ENTPD3: variants seen among roughly 807,000 people sequenced by gnomAD.
ENTPD3 encodes the protein ectonucleoside triphosphate diphosphohydrolase 3.
A neutral mutation model predicts 51.2 loss-of-function variants in ENTPD3; 60 were observed. The observed-to-expected ratio is 1.17, with a 90% CI of 0.95 to 1.45. The LOEUF is 1.45. Ranked by LOEUF, ENTPD3 falls within the 40% of genes most tolerant of loss-of-function variation. ENTPD3 has a pLI of 0.00. For synonymous variants in ENTPD3, 221 were observed against 238.4 expected (o/e 0.93, Z 0.67); for missense variants, 593 against 641.1 (o/e 0.93, Z 0.81).
chr3:40,408,041 CA>C (rs1330488834), intron 4 of ENTPD3, among the ~76,000 whole-genome samples: 1 of 152,118 alleles, frequency 6.6e-6, no homozygotes, highest in African/African-American at 2.4e-5. Flanking sequence ...CGGATCCAAT[CA>C]GCGAAATCCA....
intron 7 of ENTPD3, among the ~76,000 whole-genome samples, chr3:40,422,335 T>C (rs1559518723): frequency 6.6e-6 from 1 of 151,502 alleles, no homozygotes; most frequent in Non-Finnish European, 1.5e-5. Context: ...CTTTTTTTTT[T>C]TTTTTTACTT....
At chr3:40,396,239 T>C (rs1249970450) in intron 3 of ENTPD3, among the ~76,000 whole-genome samples, 1 of 152,242 alleles carries the variant, frequency 6.6e-6, no homozygotes, top group Non-Finnish European at 1.5e-5. Context: ...AGAAACGGAA[T>C]GACAGCTTTG....
rs1456252281 is a variant in ENTPD3, at chr3:40,415,854, C to T, written c.612C>T (p.His204=). The T allele has an allele frequency of 6.2e-7, 1 of 1,613,970 alleles. No individual in the cohort carries two copies. The highest frequency in any genetic ancestry group is 2.2e-5 in the East Asian group (1 of 44,880). ...MGNFLEKNLW[H]MWVHPHGVET... ...CCACTGTGCAGAAGAACCTGTGGCA[C>T]ATGTGGGTGCACCCGCATGGAGTGG... Residue 204 remains histidine, a synonymous_variant, in exon 7 of 11, where the codon CAC becomes CAT. Transcript: ENST00000301825.
At chr3:40,412,539 A>G (rs1955659001) in intron 5 of ENTPD3, among the ~76,000 whole-genome samples, 1 of 152,044 alleles carries the variant, frequency 6.6e-6, no homozygotes, top group Non-Finnish European at 1.5e-5. Flanking sequence ...TTTTTTCTCC[A>G]TTATAGCATT....
At chr3:40,395,625 G>A (rs1287664894) in intron 3 of ENTPD3, among the ~76,000 whole-genome samples, 1 of 152,172 alleles carries the variant, frequency 6.6e-6, no homozygotes, top group Non-Finnish European at 1.5e-5. Context: ...ATATCAAGGG[G>A]CATACAGGCA....
intron 1 of ENTPD3, 78 bp from the exon 2 acceptor site, chr3:40,387,968 C>A: frequency 8.0e-7 from 1 of 1,256,986 alleles, no homozygotes; most frequent in Non-Finnish European, 1.2e-6. Context: ...TGGGTTTTGT[C>A]TTAACCTGGG....
chr3:40,422,736 T>C (rs913144368), intron 7 of ENTPD3, 114 bp from the exon 8 acceptor site: 200 of 868,364 alleles, frequency 2.3e-4, no homozygotes, highest in Non-Finnish European at 3.3e-4. Flanking sequence ...ATGTGCCATA[T>C]TTTCTTAATC....
chr3:40,405,366 TTGG>T (rs1261072290), intron 4 of ENTPD3, among the ~76,000 whole-genome samples: 2 of 151,400 alleles, frequency 1.3e-5, no homozygotes, highest in South Asian at 4.2e-4. Context: ...TTAGCCGGGC[TTGG>T]TGGTGGGCGC....
intron 2 of ENTPD3, among the ~76,000 whole-genome samples, chr3:40,389,077 A>G (rs918293947): frequency 2.1e-4 from 32 of 152,310 alleles, no homozygotes; most frequent in African/African-American, 7.0e-4. Flanking sequence ...GGGACATTGC[A>G]CTTGAGGAGC....
chr3:40,424,794 G>A (rs184032751), intron 10 of ENTPD3: 23 of 701,948 alleles, frequency 3.3e-5, no homozygotes, highest in South Asian at 2.7e-4. Context: ...CCTGAAGGAT[G>A]TCTGGAGTCA....
chr3:40,408,515 TA>T (rs936649178), intron 4 of ENTPD3, among the ~76,000 whole-genome samples: 6 of 152,204 alleles, frequency 3.9e-5, no homozygotes, highest in Non-Finnish European at 8.8e-5. Flanking sequence ...GAATTAAGAC[TA>T]ATGTGAGCAC....
chr3:40,424,269 G>A (rs747785202), intron 10 of ENTPD3: 66 of 565,796 alleles, frequency 1.2e-4, no homozygotes, highest in Non-Finnish European at 1.5e-4. Flanking sequence ...ATAGAGCCTA[G>A]AAGGTACTTA....
At chr3:40,416,302 G>C (rs945460022) in intron 7 of ENTPD3, among the ~76,000 whole-genome samples, 1 of 152,156 alleles carries the variant, frequency 6.6e-6, no homozygotes, top group African/African-American at 2.4e-5. Flanking sequence ...TGAGTAAGAA[G>C]TCTAGGGAAG....
intron 4 of ENTPD3, among the ~76,000 whole-genome samples, chr3:40,411,350 A>G (rs13081891): frequency 0.058 from 8,797 of 152,150 alleles, 344 homozygotes; most frequent in East Asian, 0.17. Flanking sequence ...TTGTACAGGT[A>G]TAATAATTCA....
At chr3:40,424,592 T>C (rs1955948994) in intron 10 of ENTPD3, among the ~76,000 whole-genome samples, 1 of 151,984 alleles carries the variant, frequency 6.6e-6, no homozygotes, top group Non-Finnish European at 1.5e-5. Context: ...TATAAATACA[T>C]ACATATATAT....
rs139278593 is a variant in ENTPD3 at position 40,414,816 on chromosome 3, C to G, written c.573C>G (p.Asn191Lys). ...GGGTATATGGATGGATTACAGCCAA[C>G]TATTTAATGGGAAATTTCCTGGAGG... is the stretch of plus-strand genomic sequence containing the variant. Reference protein sequence around the residue: ...EEGVYGWITANYLMGNFLEKN... With the variant: ...EEGVYGWITAKYLMGNFLEKN... Residue 191 changes from asparagine (N) to lysine (K), a missense_variant, in exon 6 of 11, where the codon AAC (asparagine) becomes AAG (lysine). Asn to Lys is a moderately conservative substitution (Grantham distance 94). Coordinates refer to ENST00000301825, the MANE Select transcript of ENTPD3 (RefSeq NM_001248.4). 2.5e-6 allele frequency: 4 copies of G among 1,613,868 alleles called. No homozygotes were observed. In the East Asian group the frequency reaches 8.9e-5, roughly 36 times the overall value.
At chr3:40,402,856 A>G (rs1452632178) in intron 4 of ENTPD3, among the ~76,000 whole-genome samples, 1 of 152,218 alleles carries the variant, frequency 6.6e-6, no homozygotes, top group Non-Finnish European at 1.5e-5. Context: ...ACAATTAAGT[A>G]ATTAGTCCAA....
At chr3:40,393,389 T>G (rs972943513) in intron 3 of ENTPD3, among the ~76,000 whole-genome samples, 2 of 152,186 alleles carry the variant, frequency 1.3e-5, no homozygotes, top group African/African-American at 2.4e-5. Flanking sequence ...CATTTAACAT[T>G]TACACTTGAC....
intron 4 of ENTPD3, among the ~76,000 whole-genome samples, chr3:40,407,913 C>T (rs1466941476): frequency 6.6e-6 from 1 of 152,162 alleles, no homozygotes; most frequent in Non-Finnish European, 1.5e-5. Flanking sequence ...AAAAACCTAG[C>T]ACACCTAGGA....
Sources: allele counts gnomAD v4.1 joint callset (sites outside exome capture counted in the v4.1 genomes callset), GRCh38; gene constraint gnomAD v4.1.1; transcripts MANE v1.5; gene names NCBI Gene and HGNC (gene_info 2026-07-23, HGNC 2026-07-21).